Variants in ZBTB10 observed in about 807,000 individuals in gnomAD.
The protein encoded by ZBTB10 is zinc finger and BTB domain containing 10, also known as zinc finger and BTB domain-containing protein 10.
In ZBTB10, 32 loss-of-function variants were observed where a neutral mutation model predicts 76.4. That is an observed-to-expected ratio of 0.42 (90% CI 0.32 to 0.56). The LOEUF is 0.56. Ranked by LOEUF, ZBTB10 falls within the 20% of genes least tolerant of loss-of-function variation. ZBTB10 has a pLI of 0.14. For synonymous variants in ZBTB10, 523 were observed against 432.9 expected (o/e 1.21, Z -2.58); for missense variants, 1,057 against 1,098.5 (o/e 0.96, Z 0.53).
chr8:80,513,943 G>T lies in ZBTB10; in HGVS notation c.1895G>T (p.Gly632Val). ...LDGALLSGPD[G>V]DRNVNANLLA... ...GGTGCTCTACTCTCGGGGCCAGATG[G>T]TGATAGGAATGTGAATGCAAATTTA... The change falls in exon 3 of 6, where the codon GGT becomes GTT. Residue 632 changes from glycine (G) to valine (V), a missense_variant. Gly to Val is a moderately radical substitution (Grantham distance 109). This residue lies in a region of ZBTB10 where 306 missense variants were observed against 297.5 expected (regional missense o/e 1.03). Transcript: ENST00000455036. 6.2e-7 allele frequency: 1 copy of T among 1,613,616 alleles called. No homozygotes were observed. Among genetic ancestry groups the T allele is most frequent in the Non-Finnish European group, 8.5e-7 (1 of 1,179,664 alleles).
In ZBTB10 at chr8:80,499,757, T is replaced by A. The variant is rs770775315; in HGVS notation, c.1236T>A (p.Ala412=). Reference sequence around the variant, plus strand: ...ACAATACTACCCACTTAGATATTGCTGCAGTTCAAGGTTTTTCAGTCATCT... The same window carrying A: ...ACAATACTACCCACTTAGATATTGCAGCAGTTCAAGGTTTTTCAGTCATCT... ...NQNNTTHLDI[A]AVQGFSVILD... The change falls in exon 2 of 6, where the codon GCT becomes GCA. Residue 412 remains alanine, a synonymous_variant. Transcript: ENST00000455036. The A allele has an allele frequency of 1.1e-5, 18 of 1,613,890 alleles. No individual in the cohort carries two copies. In the East Asian group the frequency reaches 3.3e-4, roughly 30 times the overall value.
rs1003813912 is a variant in ZBTB10 at position 80,486,549 on chromosome 8, G to A, written c.-262G>A. 31 of 986,132 alleles carry A rather than the reference G, an allele frequency of 3.1e-5. No individual in the cohort carries two copies. Among genetic ancestry groups the A allele is most frequent in the African/African-American group, 8.7e-5 (5 of 57,224 alleles). The allele number at this position is 986,132 out of a possible 1,614,324, so 61.1% of individuals were successfully genotyped here. ...CCCTTCTCCGCGCGGGACGCTGCCC[G>A]GAGCGCGGCGGGGCGGGGGTGGAGG... On this transcript the variant is annotated 5_prime_UTR_variant, in exon 1 of 6. Transcript: ENST00000455036.
rs765646671 is a variant in ZBTB10 at position 80,487,801 on chromosome 8, C to T, written c.972+19C>T. On this transcript the variant is annotated intron_variant, in intron 1 of 5. Coordinates refer to ENST00000455036, the MANE Select transcript of ZBTB10 (RefSeq NM_001105539.3). ...CGCCCAGGTACAGTATATCCTGCTC[C>T]TACTTTTTTGAGATCTTTTAGGGAA... 30 of 1,532,314 alleles carry T rather than the reference C, an allele frequency of 2.0e-5. No individual in the cohort carries two copies. The highest frequency in any genetic ancestry group is 2.5e-5 in the Non-Finnish European group (29 of 1,142,726). The allele number at this position is 1,532,314 out of a possible 1,614,324, so 94.9% of individuals were successfully genotyped here. A position where few individuals can be genotyped will look rare whatever the true frequency, so the allele number is the denominator to read the frequency against.
At chr8:80,514,555 C>T (rs1329434499) in intron 3 of ZBTB10, among the ~76,000 whole-genome samples, 1 of 152,076 alleles carries the variant, frequency 6.6e-6, no homozygotes, top group East Asian at 1.9e-4. Flanking sequence ...TTTTGCAATC[C>T]CCACAGGAAA....
intron 1 of ZBTB10, among the ~76,000 whole-genome samples, chr8:80,492,669 G>C (rs1319546786): frequency 6.6e-6 from 1 of 151,770 alleles, no homozygotes; most frequent in Non-Finnish European, 1.5e-5. Flanking sequence ...AGTAGAGACG[G>C]GGTTTCAGTA....
chr8:80,505,359 A>T (rs1816023332), intron 2 of ZBTB10, among the ~76,000 whole-genome samples: 2 of 152,168 alleles, frequency 1.3e-5, no homozygotes. Context: ...GTTTCCTTAG[A>T]TGTTTTCTAG....
intron 4 of ZBTB10, 77 bp from the exon 5 acceptor site, chr8:80,518,705 A>C (rs1271795414): frequency 2.2e-5 from 33 of 1,495,524 alleles, no homozygotes; most frequent in Non-Finnish European, 2.2e-5. Context: ...GTTCTCAGAG[A>C]TAGAGATAAG....
chr8:80,497,713 G>C (rs1024979988), intron 1 of ZBTB10, among the ~76,000 whole-genome samples: 1 of 131,304 alleles, frequency 7.6e-6, no homozygotes, highest in African/African-American at 2.8e-5. Context: ...TTTTGAGACA[G>C]GTCTCAGTCT....
chr8:80,505,475 G>A (rs1290062526), intron 2 of ZBTB10, among the ~76,000 whole-genome samples: 1 of 152,078 alleles, frequency 6.6e-6, no homozygotes, highest in African/African-American at 2.4e-5. Flanking sequence ...CAAATGTAAG[G>A]TAATTTTAGT....
chr8:80,502,239 T>C (rs1815942703), intron 2 of ZBTB10, among the ~76,000 whole-genome samples: 1 of 151,752 alleles, frequency 6.6e-6, no homozygotes, highest in Non-Finnish European at 1.5e-5. Flanking sequence ...TACATCTGTT[T>C]TGTTTGTTTG....
intron 2 of ZBTB10, among the ~76,000 whole-genome samples, chr8:80,506,983 G>A (rs1264411175): frequency 6.6e-6 from 1 of 152,118 alleles, no homozygotes; most frequent in African/African-American, 2.4e-5. Flanking sequence ...GCTTACTTAT[G>A]TATTTATTTA....
rs1016710958 is a variant in ZBTB10 at position 80,521,153 on chromosome 8, A to G, written c.*1625A>G. ...TATCATTGTCTCTGATTTCAGTAGAATAATGGTTTATTGTTAGACAATGAT... is the reference window on the plus strand; with the variant it reads ...TATCATTGTCTCTGATTTCAGTAGAGTAATGGTTTATTGTTAGACAATGAT... On this transcript the variant is annotated 3_prime_UTR_variant, in exon 6 of 6. Transcript: ENST00000455036. 8 of 151,918 alleles carry G rather than the reference A, an allele frequency of 5.3e-5. No homozygotes were observed. Among genetic ancestry groups the G allele is most frequent in the Non-Finnish European group, 1.0e-4 (7 of 67,810 alleles). 9.4% of individuals were successfully genotyped at this position (151,918 alleles called of 1,614,324 possible). A position where few individuals can be genotyped will look rare whatever the true frequency, so the allele number is the denominator to read the frequency against.
intron 1 of ZBTB10, among the ~76,000 whole-genome samples, chr8:80,498,787 A>G (rs1815850548): frequency 6.6e-6 from 1 of 152,250 alleles, no homozygotes; most frequent in South Asian, 2.1e-4. Flanking sequence ...CCTGTATGAT[A>G]AGAAGCAAAA....
chr8:80,490,130 C>G (rs556541305), intron 1 of ZBTB10, among the ~76,000 whole-genome samples: 1 of 152,306 alleles, frequency 6.6e-6, no homozygotes, highest in South Asian at 2.1e-4. Context: ...GGCTTAAGGT[C>G]AGAGGACTTT....
intron 2 of ZBTB10, among the ~76,000 whole-genome samples, chr8:80,503,497 TATTA>T (rs924069872): frequency 2.0e-5 from 3 of 148,020 alleles, no homozygotes; most frequent in African/African-American, 7.4e-5. Context: ...TAGTGTAATT[TATTA>T]TTTATTTATT....
chr8:80,486,695 A>G lies in ZBTB10; in HGVS notation c.-116A>G. The stretch of plus-strand genomic sequence containing the variant: ...AGAGGGCGAGGCCGAGCCCCGCGAG[A>G]CCGGAACGCCGGGGGCGGGGGCGAG... On this transcript the variant is annotated 5_prime_UTR_variant, in exon 1 of 6. Transcript: ENST00000455036. 1 of 990,814 alleles carries G rather than the reference A, an allele frequency of 1.0e-6. No individual in the cohort carries two copies. The highest frequency in any genetic ancestry group is 1.2e-6 in the Non-Finnish European group (1 of 834,376). The allele number at this position is 990,814 out of a possible 1,614,324, so 61.4% of individuals were successfully genotyped here.
intron 1 of ZBTB10, among the ~76,000 whole-genome samples, chr8:80,498,864 C>T (rs986186959): frequency 6.6e-6 from 1 of 152,106 alleles, no homozygotes; most frequent in Non-Finnish European, 1.5e-5. Flanking sequence ...GTACTTATGA[C>T]CCTAAAGAGA....
At position 80,487,641 on chromosome 8, in the gene ZBTB10, G is replaced by A. The variant is rs768874016; in HGVS notation, c.831G>A (p.Lys277=). ...TTATGTCTTGCGGCTGGTGCCAAAA[G>A]ACCCCTGCAGATGGGGGAAGCGTGG... ...TGLMSCGWCQ[K]TPADGGSVDL... Residue 277 remains lysine, a synonymous_variant, in exon 1 of 6, where the codon AAG becomes AAA. Coordinates refer to ENST00000455036, the MANE Select transcript of ZBTB10 (RefSeq NM_001105539.3). 2.7e-5 allele frequency: 43 copies of A among 1,612,160 alleles called. No individual in the cohort carries two copies. The South Asian group carries it at 3.3e-4, about 12-fold the overall frequency.
At chr8:80,514,138 C>A in intron 3 of ZBTB10, 130 bp downstream of exon 3, 1 of 758,058 alleles carries the variant, frequency 1.3e-6, no homozygotes, top group Non-Finnish European at 2.1e-6. Flanking sequence ...TCTATGGTAG[C>A]TATGTTTATG....
Sources: allele counts gnomAD v4.1 joint callset (sites outside exome capture counted in the v4.1 genomes callset), GRCh38; gene constraint gnomAD v4.1.1; regional missense constraint gnomAD v4.1.1; transcripts MANE v1.5; gene names NCBI Gene and HGNC (gene_info 2026-07-23, HGNC 2026-07-21).